The following MVB12A variants were observed in gnomAD, a reference collection of about 807,000 sequenced individuals.
MVB12A encodes multivesicular body subunit 12A, also known as CIN85/CD2AP family binding protein.
A neutral mutation model predicts 34.3 loss-of-function variants in MVB12A; 30 were observed. The ratio of observed to expected loss-of-function variants is 0.88; its 90% CI spans 0.65 to 1.19. The LOEUF is 1.19. Among genes scored for constraint, MVB12A ranks in the 50% most tolerant of loss-of-function variants. MVB12A has a pLI of 0.00. For synonymous variants in MVB12A, 158 were observed against 158.9 expected (o/e 0.99, Z 0.04); for missense variants, 355 against 369.2 (o/e 0.96, Z 0.31).
chr19:17,423,345 G>A (rs1466216524), intron 4 of MVB12A, among the ~76,000 whole-genome samples, 153 bp from the exon 5 acceptor site: 1 of 147,410 alleles, frequency 6.8e-6, no homozygotes, highest in Non-Finnish European at 1.5e-5. Context: ...GGCAACATGA[G>A]CGAAACTCCG....
Position 17,422,348 on chromosome 19 carries a change from G to C in MVB12A, c.303G>C (p.Lys101Asn), listed in dbSNP as rs1390693345. The C allele has an allele frequency of 6.2e-7, 1 of 1,612,704 alleles. No homozygotes were observed. The highest frequency in any genetic ancestry group is 1.1e-5 in the South Asian group (1 of 90,928). ...CACTCCCAGAGGCCTCTGTGTCCAA[G>C]AAGAAACGCATGTGTGTGAAGCTGT... ...DPMDSKASVS[K>N]KKRMCVKLLP... The change falls in exon 4 of 9, where the codon AAG becomes AAC. Residue 101 changes from lysine to asparagine, a missense_variant. Transcript: ENST00000317040.
intron 2 of MVB12A, 25 bp downstream of exon 2, chr19:17,420,436 C>G: frequency 1.9e-6 from 3 of 1,610,144 alleles, no homozygotes; most frequent in Non-Finnish European, 2.6e-6. Flanking sequence ...CCTTCGGAAC[C>G]ACCAGGGTCT....
Position 17,425,232 on chromosome 19 carries a change from G to T in MVB12A, c.*239G>T. ...CGCCCTGCCGGGCAGGGCTGGAGCT[G>T]GACAGAAGCCAGTGCCTTTAAGTCA... On this transcript the variant is annotated 3_prime_UTR_variant, in exon 9 of 9. Coordinates refer to ENST00000317040, the MANE Select transcript of MVB12A (RefSeq NM_138401.4). 1.9e-6 allele frequency: 1 copy of T among 518,134 alleles called. No homozygotes were observed. 32.1% of individuals were successfully genotyped at this position (518,134 alleles called of 1,614,324 possible).
At chr19:17,410,495 T>TATATATATATATA (rs1252681143) in intron 2 of MVB12A, among the ~76,000 whole-genome samples, 23 of 55,140 alleles carry the variant, frequency 4.2e-4, no homozygotes, top group African/African-American at 7.5e-4. Flanking sequence ...TGGTTTTAGC[T>TATATATATATATA]TCATATATAT....
At chr19:17,410,497 C>CATATATATATATATATATATATAT (rs373127253) in intron 2 of MVB12A, among the ~76,000 whole-genome samples, 2 of 77,624 alleles carry the variant, frequency 2.6e-5, no homozygotes, top group Non-Finnish European at 4.6e-5. Flanking sequence ...GTTTTAGCTT[C>CATATATATATATATATATATATAT]ATATATATAT....
At chr19:17,420,018 C>G (rs889062272), upstream of MVB12A, 2,418 of 357,880 alleles carry the variant, frequency 6.8e-3, 133 homozygotes, top group Non-Finnish European at 8.4e-3. Flanking sequence ...AATCTCCGCC[C>G]CCCCCCCCCG....
At chr19:17,420,287 G>C in intron 1 of MVB12A, 26 bp from the exon 2 acceptor site, 1 of 1,568,342 alleles carries the variant, frequency 6.4e-7, no homozygotes, top group Admixed American at 2.0e-5. Flanking sequence ...GTGGGAGTCC[G>C]GCGCTGACCC....
intron 2 of MVB12A, among the ~76,000 whole-genome samples, chr19:17,411,666 T>C (rs1419693959): frequency 6.6e-6 from 1 of 151,740 alleles, no homozygotes; most frequent in African/African-American, 2.4e-5. Flanking sequence ...CAGCTAAGTT[T>C]TGTATTGTTT....
chr19:17,424,319 C>T (rs1001369736), intron 7 of MVB12A, among the ~76,000 whole-genome samples: 1 of 152,016 alleles, frequency 6.6e-6, no homozygotes, highest in Non-Finnish European at 1.5e-5. Flanking sequence ...TGGTGGCTCA[C>T]GACTGTGATC....
chr19:17,420,633 C>G lies in MVB12A; in HGVS notation c.285C>G (p.Ser95=). The G allele has an allele frequency of 6.2e-7, 1 of 1,607,560 alleles. No homozygotes were observed. The highest frequency in any genetic ancestry group is 8.5e-7 in the Non-Finnish European group (1 of 1,174,114). Residue 95 remains serine (S), a splice_region_variant and synonymous_variant, in exon 3 of 9, where the codon TCC becomes TCG. Coordinates refer to ENST00000317040, the MANE Select transcript of MVB12A (RefSeq NM_138401.4). ...CCCCCGTCTGCGACCCCATGGATTCCAGTAAGGGCTGCTTCGGAGGCGAGA... is the reference window on the plus strand; with the variant it reads ...CCCCCGTCTGCGACCCCATGGATTCGAGTAAGGGCTGCTTCGGAGGCGAGA... ...GFSPVCDPMD[S]KASVSKKKRM...
At chr19:17,423,189 C>T (rs1344959277) in intron 4 of MVB12A, among the ~76,000 whole-genome samples, 12 of 106,546 alleles carry the variant, frequency 1.1e-4, no homozygotes, top group African/African-American at 4.1e-4. Flanking sequence ...TCCGTTTCTA[C>T]TTAAAAAAAA....
At chr19:17,405,855 CCAT>C (rs1378554123) in intron 1 of MVB12A, 1 of 356,864 alleles carries the variant, frequency 2.8e-6, no homozygotes, top group Non-Finnish European at 5.3e-6. Context: ...CTGGGACACT[CCAT>C]CTTAAGTCCC....
chr19:17,419,639 G>T (rs879913377), upstream of MVB12A: 1 of 152,538 alleles, frequency 6.6e-6, no homozygotes, highest in Non-Finnish European at 1.5e-5. Flanking sequence ...GGCCAGGAGG[G>T]TCTCGATCTC....
upstream of MVB12A, among the ~76,000 whole-genome samples, chr19:17,416,838 G>A (rs80280156): frequency 5.2e-3 from 777 of 150,308 alleles, 8 homozygotes; most frequent in African/African-American, 0.018. Flanking sequence ...TAGCTGAGAC[G>A]ACAGGTGTGC....
chr19:17,423,866 C>T (rs564441004), intron 6 of MVB12A, 67 bp downstream of exon 6: 1 of 1,568,586 alleles, frequency 6.4e-7, no homozygotes, highest in Non-Finnish European at 8.8e-7. Context: ...ATTACACAAC[C>T]AGGAAGGATC....
chr19:17,420,063 C>T lies in MVB12A; in HGVS notation c.-73C>T. ...CTGGGAGTTGTAGTTCGGTCGCGAGCGCTGCCGTCGGGAGGCGCTCCGAGG... is the reference window on the plus strand; with the variant it reads ...CTGGGAGTTGTAGTTCGGTCGCGAGTGCTGCCGTCGGGAGGCGCTCCGAGG... On this transcript the variant is annotated 5_prime_UTR_variant, in exon 1 of 9. Transcript: ENST00000317040. 1 of 863,362 alleles carries T rather than the reference C, an allele frequency of 1.2e-6. No homozygotes were observed. Among genetic ancestry groups the T allele is most frequent in the Non-Finnish European group, 1.5e-6 (1 of 678,064 alleles). 53.5% of individuals were successfully genotyped at this position (863,362 alleles called of 1,614,324 possible).
At chr19:17,420,879 G>C in intron 3 of MVB12A, 1 of 673,144 alleles carries the variant, frequency 1.5e-6, no homozygotes, top group Non-Finnish European at 2.7e-6. Context: ...CACGCCACCT[G>C]TTTCACTACT....
In MVB12A at chr19:17,425,303, C is replaced by T. The variant is rs1007442994; in HGVS notation, c.*310C>T. 2.5e-6 allele frequency: 1 copy of T among 394,730 alleles called. No individual in the cohort carries two copies. Among genetic ancestry groups the T allele is most frequent in the South Asian group, 5.3e-5 (1 of 18,720 alleles). 24.5% of individuals were successfully genotyped at this position (394,730 alleles called of 1,614,324 possible). On this transcript the variant is annotated 3_prime_UTR_variant, in exon 9 of 9. Coordinates refer to ENST00000317040, the MANE Select transcript of MVB12A (RefSeq NM_138401.4). ...GGTCCGGAGGCTGTGCGGGTGTCCTCCTGGCAATAAACACTACCCGGTTCT... is the reference window on the plus strand; with the variant it reads ...GGTCCGGAGGCTGTGCGGGTGTCCTTCTGGCAATAAACACTACCCGGTTCT...
intron 7 of MVB12A, 32 bp from the exon 8 acceptor site, chr19:17,424,589 G>A (rs369837783): frequency 2.6e-5 from 41 of 1,605,104 alleles, no homozygotes; most frequent in African/African-American, 1.6e-4. Context: ...GGTTGAGATC[G>A]GGCCCAAGGC....
Sources: allele counts gnomAD v4.1 joint callset (sites outside exome capture counted in the v4.1 genomes callset), GRCh38; gene constraint gnomAD v4.1.1; transcripts MANE v1.5; gene names NCBI Gene and HGNC (gene_info 2026-07-23, HGNC 2026-07-21).